Variants in NOTO observed in about 807,000 individuals in gnomAD.
NOTO encodes the protein notochord homeobox, also known as homeobox protein notochord.
Under a neutral mutation model 20.5 loss-of-function variants are expected in NOTO, and 19 were observed. The observed-to-expected ratio is 0.93, with a 90% CI of 0.65 to 1.36. The LOEUF is 1.36. Among genes scored for constraint, NOTO ranks in the 40% most tolerant of loss-of-function variants. The pLI is 0.00. For synonymous variants in NOTO, 150 were observed against 150.2 expected (o/e 1.00, Z 0.01); for missense variants, 369 against 336.2 (o/e 1.10, Z -0.76).
At position 73,211,008 on chromosome 2, in the gene NOTO, C is replaced by T; in HGVS notation, c.*79C>T. On this transcript the variant is annotated 3_prime_UTR_variant, in exon 3 of 3. Transcript: ENST00000398468. ...ACCCACTGGAGCTCCCTGCCTCACA[C>T]CTCAACGAAAAGCCTCCTCAACCAG... is the stretch of plus-strand genomic sequence containing the variant. The T allele has an allele frequency of 8.1e-7, 1 of 1,238,724 alleles. No homozygotes were observed. Among genetic ancestry groups the T allele is most frequent in the Non-Finnish European group, 1.1e-6 (1 of 902,886 alleles). 76.7% of individuals were successfully genotyped at this position (1,238,724 alleles called of 1,614,324 possible). A position where few individuals can be genotyped will look rare whatever the true frequency, so the allele number is the denominator to read the frequency against.
intron 1 of NOTO, among the ~76,000 whole-genome samples, chr2:73,205,602 GA>G (rs1686078816): frequency 6.6e-6 from 1 of 151,990 alleles, no homozygotes; most frequent in African/African-American, 2.4e-5. Context: ...TTGTTACATA[GA>G]AAAAATTTTA....
chr2:73,210,885 G>A lies in NOTO; in HGVS notation c.712G>A (p.Ala238Thr), dbSNP rs778007124. The A allele has an allele frequency of 1.2e-5, 18 of 1,551,524 alleles. No homozygotes were observed. Among genetic ancestry groups the A allele is most frequent in the African/African-American group, 8.2e-5 (6 of 73,040 alleles). The change falls in exon 3 of 3, where the codon GCC becomes ACC. Residue 238 changes from alanine to threonine, a missense_variant. Physicochemically the swap from Ala to Thr is moderately conservative, Grantham distance 58. Coordinates refer to ENST00000398468, the MANE Select transcript of NOTO (RefSeq NM_001134462.2). ...GGATGAGCCTTCCAGCAGCTCCATCGCCAGTATCCAGAGTGATGATGCCGA... is the reference window on the plus strand; with the variant it reads ...GGATGAGCCTTCCAGCAGCTCCATCACCAGTATCCAGAGTGATGATGCCGA... ...SLDEPSSSSI[A>T]SIQSDDAESG...
chr2:73,209,205 A>G (rs1212758759), intron 2 of NOTO, among the ~76,000 whole-genome samples: 1 of 151,912 alleles, frequency 6.6e-6, no homozygotes, highest in African/African-American at 2.4e-5. Flanking sequence ...AGAAGAAGAA[A>G]AAAATTAAGT....
Position 73,202,701 on chromosome 2 carries a change from C to T in NOTO, c.35C>T (p.Pro12Leu), listed in dbSNP as rs1207991211. Residue 12 changes from proline to leucine, a missense_variant, in exon 1 of 3, where the codon CCC becomes CTC. By Grantham distance (98) the Pro-to-Leu change is moderately conservative (BLOSUM62 -3). Coordinates refer to ENST00000398468, the MANE Select transcript of NOTO (RefSeq NM_001134462.2). ...CCCAGGCCGCGAGGCAGCCCGCCAC[C>T]CGCTCCCTCGGGCTCTCGGGTCCGA... ...PSPRPRGSPP[P>L]APSGSRVRPP... 1 of 1,512,106 alleles carries T rather than the reference C, an allele frequency of 6.6e-7. No homozygotes were observed. The highest frequency in any genetic ancestry group is 1.2e-5 in the South Asian group (1 of 82,286). The allele number at this position is 1,512,106 out of a possible 1,614,324, so 93.7% of individuals were successfully genotyped here.
In NOTO at chr2:73,212,104, C is replaced by T. The variant is rs147876042; in HGVS notation, c.*1175C>T. ...TAGCCCACTTCACAAAGTTTCCCAA[C>T]GTTTTCTTGTTTTGTCTGAACTGTT... On this transcript the variant is annotated 3_prime_UTR_variant, in exon 3 of 3. Coordinates refer to ENST00000398468, the MANE Select transcript of NOTO (RefSeq NM_001134462.2). 7.4e-4 allele frequency: 113 copies of T among 152,360 alleles called. No individual in the cohort carries two copies. The highest frequency in any genetic ancestry group is 2.5e-3 in the African/African-American group (103 of 41,576). 9.4% of individuals were successfully genotyped at this position (152,360 alleles called of 1,614,324 possible).
chr2:73,208,330 G>A, intron 1 of NOTO, 70 bp from the exon 2 acceptor site: 1 of 1,037,416 alleles, frequency 9.6e-7, no homozygotes, highest in Middle Eastern at 2.9e-4. Context: ...GCCCAGATGG[G>A]AGTGCAGGGG....
Position 73,202,941 on chromosome 2 carries a change from G to A in NOTO, c.275G>A (p.Trp92Ter). The A allele has an allele frequency of 6.6e-7, 1 of 1,517,312 alleles. No individual in the cohort carries two copies. The highest frequency in any genetic ancestry group is 8.8e-7 in the Non-Finnish European group (1 of 1,136,340). The allele number at this position is 1,517,312 out of a possible 1,614,324, so 94.0% of individuals were successfully genotyped here. Reference sequence around the variant, plus strand: ...CTGTGCGCCACCGGGGGTCTGCCCTGGGCTTGCCCGACATCGTGGCTGCCC... The same window carrying A: ...CTGTGCGCCACCGGGGGTCTGCCCTAGGCTTGCCCGACATCGTGGCTGCCC... ...ASLCATGGLP[W>*]ACPTSWLPAY... Residue 92 changes from tryptophan (W) to a stop codon, truncating the protein, a stop_gained, in exon 1 of 3, where the codon TGG (tryptophan) becomes TAG (stop). Transcript: ENST00000398468. LOFTEE classifies it high-confidence loss of function.
intron 1 of NOTO, 69 bp downstream of exon 1, chr2:73,203,117 G>A: frequency 7.6e-7 from 1 of 1,311,320 alleles, no homozygotes; most frequent in Non-Finnish European, 9.8e-7. Flanking sequence ...CGCCACTGCC[G>A]GCGCCCCAGT....
rs931360799 is a variant in NOTO, at chr2:73,210,661, A to AG, written c.598-109dup. 3 of 873,810 alleles carry AG rather than the reference A, an allele frequency of 3.4e-6. No individual in the cohort carries two copies. In the African/African-American group the frequency reaches 5.1e-5, roughly 15 times the overall value. The allele number at this position is 873,810 out of a possible 1,614,324, so 54.1% of individuals were successfully genotyped here. A position where few individuals can be genotyped will look rare whatever the true frequency, so the allele number is the denominator to read the frequency against. The stretch of plus-strand genomic sequence containing the variant: ...GTGTTTTGGAGGAGGTACCTCCCTG[A>AG]GAAGGAAGAGCAAATATTGGCCAGG... On this transcript the variant is annotated intron_variant, in intron 2 of 2. Coordinates refer to ENST00000398468, the MANE Select transcript of NOTO (RefSeq NM_001134462.2).
chr2:73,210,104 A>G (rs1002929802), intron 2 of NOTO, among the ~76,000 whole-genome samples: 1 of 151,816 alleles, frequency 6.6e-6, no homozygotes, highest in African/African-American at 2.4e-5. Flanking sequence ...TGCACTTCAG[A>G]TGTAAATAGG....
chr2:73,202,831 G>A lies in NOTO; in HGVS notation c.165G>A (p.Leu55=). 2 of 1,525,316 alleles carry A rather than the reference G, an allele frequency of 1.3e-6. No homozygotes were observed. The highest frequency in any genetic ancestry group is 1.8e-6 in the Non-Finnish European group (2 of 1,141,950). The allele number at this position is 1,525,316 out of a possible 1,614,324, so 94.5% of individuals were successfully genotyped here. ...CCCCTTTCTCGGTCGAGGCCATCCT[G>A]GCGAGGCCCGACCCCTGCGCGCCGG... is the stretch of plus-strand genomic sequence containing the variant. ...FESPFSVEAI[L]ARPDPCAPAA... The change falls in exon 1 of 3, where the codon CTG becomes CTA. Residue 55 remains leucine, a synonymous_variant. Transcript: ENST00000398468.
chr2:73,208,148 G>A (rs1030593442), intron 1 of NOTO, among the ~76,000 whole-genome samples: 2 of 152,270 alleles, frequency 1.3e-5, no homozygotes, highest in Non-Finnish European at 2.9e-5. Flanking sequence ...GGCCAGAAGT[G>A]AAGCCACTTG....
intron 1 of NOTO, among the ~76,000 whole-genome samples, chr2:73,207,104 G>A (rs1686098715): frequency 6.6e-6 from 1 of 152,018 alleles, no homozygotes; most frequent in African/African-American, 2.4e-5. Context: ...CTCAACTAGA[G>A]CTCTTAAGGA....
chr2:73,204,472 G>A (rs1253053568), intron 1 of NOTO, among the ~76,000 whole-genome samples: 2 of 152,074 alleles, frequency 1.3e-5, no homozygotes, highest in Non-Finnish European at 2.9e-5. Flanking sequence ...CAGTCTTGCC[G>A]GGTTCCTACT....
At chr2:73,209,167 C>T (rs1418777620) in intron 2 of NOTO, among the ~76,000 whole-genome samples, 1 of 145,390 alleles carries the variant, frequency 6.9e-6, no homozygotes, top group Admixed American at 6.9e-5. Context: ...ATTTGGAGAG[C>T]CCGTCTCAAA....
intron 1 of NOTO, 50 bp downstream of exon 1, chr2:73,203,098 A>T (rs1436615236): frequency 1.8e-5 from 25 of 1,357,392 alleles, no homozygotes; most frequent in Non-Finnish European, 2.4e-5. Flanking sequence ...GGGGCTGGAG[A>T]GCCTAGGTCG....
intron 1 of NOTO, 25 bp downstream of exon 1, chr2:73,203,073 G>A: frequency 7.3e-7 from 1 of 1,371,354 alleles, no homozygotes. Flanking sequence ...GCGCCCGCAC[G>A]CGGGGGACTG....
chr2:73,203,143 G>A, intron 1 of NOTO, 95 bp downstream of exon 1: 1 of 1,123,280 alleles, frequency 8.9e-7, no homozygotes, highest in Non-Finnish European at 1.2e-6. Flanking sequence ...AGAGGGCACT[G>A]AGTGTGAGAA....
At chr2:73,209,174 CA>C (rs1214608418) in intron 2 of NOTO, among the ~76,000 whole-genome samples, 926 of 53,308 alleles carry the variant, frequency 0.017, 8 homozygotes, top group Admixed American at 0.037. Context: ...GAGCCCGTCT[CA>C]AAAAAAAAAA....
Sources: gnomAD v4.1 joint callset for allele counts (sites outside exome capture counted in the v4.1 genomes callset) on GRCh38, gnomAD v4.1.1 for gene constraint, MANE v1.5 for transcripts, NCBI Gene and HGNC (gene_info 2026-07-23, HGNC 2026-07-21) for gene names.